PKD1L1: variants seen among roughly 807,000 people sequenced by gnomAD.
The protein encoded by PKD1L1 is polycystin 1 like 1, transient receptor potential channel interacting.
In PKD1L1, 236 loss-of-function variants were observed where a neutral mutation model predicts 323.4. The observed-to-expected ratio is 0.73, with a 90% CI of 0.66 to 0.81. The LOEUF is 0.81. Ranked by LOEUF, PKD1L1 falls within the 40% of genes least tolerant of loss-of-function variation. The pLI, the probability that PKD1L1 is intolerant of heterozygous loss-of-function variation, is 0.00. For synonymous variants in PKD1L1, 1,344 were observed against 1,335.0 expected, an observed-to-expected ratio of 1.01 and a Z score of -0.15; for missense variants, 3,320 against 3,508.0, an observed-to-expected ratio of 0.95 and a Z score of 1.35.
Position 47,929,413 on chromosome 7 carries a change from C to T in PKD1L1, c.851G>A (p.Arg284Gln), listed in dbSNP as rs527532223. 21 of 1,614,026 alleles carry T rather than the reference C, an allele frequency of 1.3e-5. No individual in the cohort carries two copies. In the Middle Eastern group the frequency reaches 8.2e-4, roughly 63 times the overall value. The change falls in exon 7 of 57, where the codon CGA becomes CAA. Residue 284 changes from arginine (R) to glutamine (Q), a missense_variant. Physicochemically the swap from Arg to Gln is conservative, Grantham distance 43. Coordinates refer to ENST00000289672, the MANE Select transcript of PKD1L1 (RefSeq NM_138295.5). ...TQHPPVAILARNSDNFMNPVL... is the reference protein window; with the variant it reads ...TQHPPVAILAQNSDNFMNPVL... ...AGGGTTCATGAAGTTATCAGAATTT[C>T]GAGCTAGGATGGCCACAGGAGGATG...
At chr7:47,932,372 C>T (rs1787788465) in intron 4 of PKD1L1, among the ~76,000 whole-genome samples, 1 of 152,236 alleles carries the variant, frequency 6.6e-6, no homozygotes, top group Non-Finnish European at 1.5e-5. Flanking sequence ...ACATACAAAA[C>T]ATGCTCTGTC....
At chr7:47,830,919 G>A (rs1186042890) in intron 42 of PKD1L1, among the ~76,000 whole-genome samples, 2 of 152,184 alleles carry the variant, frequency 1.3e-5, no homozygotes, top group Non-Finnish European at 2.9e-5. Flanking sequence ...CTCCTCTCAG[G>A]AGCTCTGCAG....
intron 44 of PKD1L1, 117 bp from the exon 45 acceptor site, chr7:47,827,585 T>C (rs1258871501): frequency 2.4e-6 from 2 of 829,432 alleles, no homozygotes; most frequent in African/African-American, 1.7e-5. Flanking sequence ...CAGCCTGGCA[T>C]TTGGGAACAA....
upstream of PKD1L1, among the ~76,000 whole-genome samples, chr7:47,951,604 A>C (rs1788206569): frequency 6.6e-6 from 1 of 152,252 alleles, no homozygotes; most frequent in South Asian, 2.1e-4. Context: ...CAGTGTAAAA[A>C]GGCACAGAGC....
chr7:47,873,415 G>A (rs892874749), intron 24 of PKD1L1, among the ~76,000 whole-genome samples: 14 of 152,054 alleles, frequency 9.2e-5, no homozygotes, highest in South Asian at 4.1e-4. Context: ...TTGGGAGACC[G>A]AGGCGGGTGG....
intron 1 of PKD1L1, 34 bp from the exon 2 acceptor site, chr7:47,943,545 A>G (rs776408110): frequency 6.6e-7 from 1 of 1,522,592 alleles, no homozygotes; most frequent in South Asian, 1.1e-5. Context: ...GGAAAATTAA[A>G]TTAAGTACAA....
chr7:47,782,159 C>T (rs1027212512), intron 56 of PKD1L1, among the ~76,000 whole-genome samples: 2 of 152,166 alleles, frequency 1.3e-5, no homozygotes, highest in Non-Finnish European at 2.9e-5. Context: ...TCCAATAAAC[C>T]AGCTGTCTAT....
At chr7:47,826,025 G>T (rs1583599392) in intron 45 of PKD1L1, among the ~76,000 whole-genome samples, 1 of 152,098 alleles carries the variant, frequency 6.6e-6, no homozygotes, top group South Asian at 2.1e-4. Flanking sequence ...AGTTCTGAGG[G>T]CTGAGCTGGC....
At chr7:47,897,902 G>T in intron 14 of PKD1L1, 86 bp downstream of exon 14, 2 of 1,116,008 alleles carry the variant, frequency 1.8e-6, no homozygotes, top group South Asian at 2.0e-5. Flanking sequence ...AACAGGTGTT[G>T]AATTCCAAAT....
In PKD1L1 at chr7:47,827,475, G is replaced by T; in HGVS notation, c.6736-7C>A. 1 of 1,604,008 alleles carries T rather than the reference G, an allele frequency of 6.2e-7. No individual in the cohort carries two copies. The highest frequency in any genetic ancestry group is 8.5e-7 in the Non-Finnish European group (1 of 1,176,916). On this transcript the variant is annotated splice_region_variant and splice_polypyrimidine_tract_variant and intron_variant, in intron 44 of 56. Transcript: ENST00000289672. ...GTTGTCGGGCAGCCAAGACCTGTCA[G>T]GGACAAGAGTGCTGTGAGCTGCGGG...
chr7:47,915,307 C>G (rs111357584), intron 8 of PKD1L1, 125 bp downstream of exon 8: 3 of 614,266 alleles, frequency 4.9e-6, no homozygotes, highest in African/African-American at 1.9e-5. Context: ...CACAGGACAC[C>G]GTAGCCCATA....
At chr7:47,797,793 T>C (rs995402148) in intron 54 of PKD1L1, among the ~76,000 whole-genome samples, 26 of 152,218 alleles carry the variant, frequency 1.7e-4, no homozygotes, top group African/African-American at 6.0e-4. Context: ...TGTATGAAGA[T>C]TTCCTGGTCT....
intron 47 of PKD1L1, 75 bp from the exon 48 acceptor site, chr7:47,814,089 G>C (rs754629717): frequency 4.5e-5 from 55 of 1,235,278 alleles, no homozygotes; most frequent in Non-Finnish European, 6.2e-5. Flanking sequence ...GTGCTCAAAA[G>C]GCGTGGGGCT....
intron 28 of PKD1L1, among the ~76,000 whole-genome samples, chr7:47,856,919 T>TAC (rs34621140): frequency 0.21 from 31,750 of 152,038 alleles, 4,229 homozygotes; most frequent in African/African-American, 0.37. Context: ...GCTACAGAAA[T>TAC]AGAGAATCCT....
At chr7:47,872,598 C>T (rs1267696871) in intron 24 of PKD1L1, among the ~76,000 whole-genome samples, 2 of 152,124 alleles carry the variant, frequency 1.3e-5, no homozygotes, top group Non-Finnish European at 2.9e-5. Context: ...GATGCTCAAC[C>T]TCATCAATTA....
chr7:47,829,085 G>A (rs1489124079), intron 44 of PKD1L1, among the ~76,000 whole-genome samples: 1 of 152,168 alleles, frequency 6.6e-6, no homozygotes, highest in Non-Finnish European at 1.5e-5. Context: ...AGGAAGGATG[G>A]GGAGGAGTAC....
chr7:47,949,220 T>C (rs1301514737), upstream of PKD1L1, among the ~76,000 whole-genome samples: 2 of 150,938 alleles, frequency 1.3e-5, no homozygotes, highest in African/African-American at 2.4e-5. Flanking sequence ...AATACAAAAA[T>C]TAGCCAGGCA....
At position 47,931,293 on chromosome 7, in the gene PKD1L1, G is replaced by A; in HGVS notation, c.548C>T (p.Pro183Leu). The A allele has an allele frequency of 6.2e-7, 1 of 1,614,240 alleles. No homozygotes were observed. The highest frequency in any genetic ancestry group is 1.7e-5 in the Admixed American group (1 of 60,026). Residue 183 changes from proline to leucine, a missense_variant, in exon 6 of 57, where the codon CCC becomes CTC. By Grantham distance (98) the Pro-to-Leu change is moderately conservative (BLOSUM62 -3). Coordinates refer to ENST00000289672, the MANE Select transcript of PKD1L1 (RefSeq NM_138295.5). ...QLQGTTSAAAPCSLKMEASCC... is the reference protein window; with the variant it reads ...QLQGTTSAAALCSLKMEASCC... ...GGAAGCCTCCATCTTCAGGCTGCAG[G>A]GAGCTGCTGCAGAAGTGGTGCCCTG...
At position 47,931,213 on chromosome 7, in the gene PKD1L1, G is replaced by A. The variant is rs748620520; in HGVS notation, c.628C>T (p.Pro210Ser). ...CAEDVATGLLPGTVTMETPTK... is the reference protein window; with the variant it reads ...CAEDVATGLLSGTVTMETPTK... ...GGGGTCTCCATCGTGACAGTCCCAGGAAGCAGCCCCGTGGCCACATCCTCC... is the reference window on the plus strand; with the variant it reads ...GGGGTCTCCATCGTGACAGTCCCAGAAAGCAGCCCCGTGGCCACATCCTCC... Residue 210 changes from proline to serine, a missense_variant, in exon 6 of 57, where the codon CCT (proline) becomes TCT (serine). Physicochemically the swap from Pro to Ser is moderately conservative, Grantham distance 74. Transcript: ENST00000289672. 3.7e-6 allele frequency: 6 copies of A among 1,614,122 alleles called. No individual in the cohort carries two copies. The Admixed American group carries it at 6.7e-5, about 18-fold the overall frequency.
Sources: gnomAD v4.1 joint callset for allele counts (sites outside exome capture counted in the v4.1 genomes callset) on GRCh38, gnomAD v4.1.1 for gene constraint, MANE v1.5 for transcripts, NCBI Gene and HGNC (gene_info 2026-07-23, HGNC 2026-07-21) for gene names.